ABCC9: variants seen among roughly 807,000 people sequenced by gnomAD.
ABCC9 encodes ATP-binding cassette sub-family C member 9.
Under a neutral mutation model 188.3 loss-of-function variants are expected in ABCC9, and 95 were observed. That is an observed-to-expected ratio of 0.50 (90% confidence interval 0.43 to 0.60). The LOEUF is 0.60. Ranked by LOEUF, ABCC9 falls within the 20% of genes least tolerant of loss-of-function variation. ABCC9 has a pLI of 0.00. For missense variants in ABCC9, 1,102 were observed against 1,876.3 expected (o/e 0.59, Z 7.62); for synonymous variants, 659 against 652.7 (o/e 1.01, Z -0.15).
Position 21,912,879 on chromosome 12 carries a change from G to C in ABCC9, c.1004C>G (p.Thr335Arg). ...VNETQNGTNN[T>R]TGISETLSSK... ...AAATCACCAGGAACTTACTCCAGTT[G>C]TGTTATTTGTCCCATTCTGGGTTTC... is the stretch of plus-strand genomic sequence containing the variant. The change falls in exon 8 of 40, where the codon ACA becomes AGA. Residue 335 changes from threonine to arginine, a missense_variant. Physicochemically the swap from Thr to Arg is moderately conservative, Grantham distance 71. Coordinates refer to ENST00000261200, the MANE Select transcript of ABCC9 (RefSeq NM_020297.4). The C allele has an allele frequency of 6.2e-7, 1 of 1,613,202 alleles. No homozygotes were observed. The highest frequency in any genetic ancestry group is 8.5e-7 in the Non-Finnish European group (1 of 1,179,396).
At position 21,829,053 on chromosome 12, in the gene ABCC9, T is replaced by C. The variant is rs1437273344; in HGVS notation, c.3574A>G (p.Thr1192Ala). ...TCCAGCATACGTTGTTTAAATCTGG[T>C]TTCATGCCTGCAGAAAACAAAAACA... ...LTTIRAFRHE[T>A]RFKQRMLELT... The change falls in exon 31 of 40, where the codon ACC (threonine) becomes GCC (alanine). Residue 1192 changes from threonine (T) to alanine (A), a missense_variant. Around this residue, in one of 12 missense-constraint regions of ABCC9, gnomAD observed 143 missense variants for 225.6 expected, o/e 0.63. Transcript: ENST00000261200. The C allele has an allele frequency of 8.1e-6, 13 of 1,613,680 alleles. No homozygotes were observed. Among genetic ancestry groups the C allele is most frequent in the Non-Finnish European group, 1.1e-5 (13 of 1,179,824 alleles).
chr12:21,871,545 C>G (rs1946076563), intron 18 of ABCC9, among the ~76,000 whole-genome samples: 2 of 152,082 alleles, frequency 1.3e-5, no homozygotes, highest in African/African-American at 4.8e-5. Context: ...TTAAAAGGCC[C>G]ATAGTCTTCT....
chr12:21,798,791 T>C lies in ABCC9; in HGVS notation c.*2253A>G, dbSNP rs1267897762. ...TAAATCATGCTGCTATAAAGACACA[T>C]GCACACGTATGTTTATTGCGGCATT... On this transcript the variant is annotated 3_prime_UTR_variant, in exon 40 of 40. Transcript: ENST00000261200. 2.0e-5 allele frequency: 3 copies of C among 147,512 alleles called. No individual in the cohort carries two copies. The highest frequency in any genetic ancestry group is 4.4e-4 in the South Asian group (2 of 4,518). 9.1% of individuals were successfully genotyped at this position (147,512 alleles called of 1,614,324 possible).
intron 18 of ABCC9, among the ~76,000 whole-genome samples, chr12:21,864,913 A>G (rs929814465): frequency 2.6e-5 from 4 of 152,078 alleles, no homozygotes; most frequent in African/African-American, 9.7e-5. Flanking sequence ...CAGCAGAAAT[A>G]CTTTTTGGGC....
At chr12:21,856,864 T>C (rs1267325440) in intron 22 of ABCC9, among the ~76,000 whole-genome samples, 1 of 152,202 alleles carries the variant, frequency 6.6e-6, no homozygotes, top group Non-Finnish European at 1.5e-5. Flanking sequence ...GAATCTTTGC[T>C]GATTACATAG....
chr12:21,937,582 T>C (rs759548747), intron 2 of ABCC9, among the ~76,000 whole-genome samples: 1 of 152,196 alleles, frequency 6.6e-6, no homozygotes, highest in South Asian at 2.1e-4. Flanking sequence ...CCCAAACAGA[T>C]GGGAGATGAG....
intron 30 of ABCC9, among the ~76,000 whole-genome samples, chr12:21,834,486 GCTGCTAC>G (rs1943957813): frequency 6.6e-6 from 1 of 152,070 alleles, no homozygotes; most frequent in African/African-American, 2.4e-5. Context: ...CCTGGGTAGA[GCTGCTAC>G]AGGTAAAGGT....
intron 32 of ABCC9, 97 bp from the exon 33 acceptor site, chr12:21,817,404 AGT>A: frequency 1.7e-6 from 2 of 1,163,906 alleles, no homozygotes; most frequent in Non-Finnish European, 2.5e-6. Flanking sequence ...TTGGACCATT[AGT>A]GTACATGTGT....
chr12:21,915,417 T>A (rs1216862597), intron 7 of ABCC9, among the ~76,000 whole-genome samples: 1 of 139,154 alleles, frequency 7.2e-6, no homozygotes, highest in Non-Finnish European at 1.5e-5. Context: ...TATAGACACG[T>A]GTATATATGT....
intron 39 of ABCC9, chr12:21,805,359 C>T: frequency 1.3e-6 from 2 of 1,565,284 alleles, no homozygotes; most frequent in Non-Finnish European, 1.8e-6. Flanking sequence ...GGAAAAATGT[C>T]CAAGTGACTC....
intron 35 of ABCC9, among the ~76,000 whole-genome samples, chr12:21,813,677 T>A (rs965657460): frequency 6.6e-5 from 10 of 152,176 alleles, no homozygotes; most frequent in African/African-American, 1.9e-4. Context: ...TTAAAGTATC[T>A]GTGCATTATT....
chr12:21,885,240 A>G (rs1946812091), intron 15 of ABCC9, among the ~76,000 whole-genome samples: 1 of 152,182 alleles, frequency 6.6e-6, no homozygotes, highest in Admixed American at 6.5e-5. Flanking sequence ...ATTTTCAAAC[A>G]CACAGCTTTT....
intron 15 of ABCC9, among the ~76,000 whole-genome samples, chr12:21,883,997 C>A (rs568987007): frequency 7.9e-5 from 12 of 152,152 alleles, no homozygotes; most frequent in Middle Eastern, 3.4e-3. Context: ...GCTCATAAAC[C>A]TCTAATCTGG....
At chr12:21,826,846 C>T (rs1339973001) in intron 31 of ABCC9, among the ~76,000 whole-genome samples, 7 of 152,012 alleles carry the variant, frequency 4.6e-5, no homozygotes, top group Admixed American at 3.3e-4. Flanking sequence ...CTTTGCCCAT[C>T]GGAAATGAAA....
chr12:21,832,331 A>G (rs1222443313), intron 30 of ABCC9, among the ~76,000 whole-genome samples: 1 of 152,170 alleles, frequency 6.6e-6, no homozygotes, highest in Non-Finnish European at 1.5e-5. Flanking sequence ...TTAACTTTCC[A>G]AAGAGTTCAA....
chr12:21,915,357 A>ATATATATAC (rs1948524591), intron 7 of ABCC9, among the ~76,000 whole-genome samples: 1 of 143,390 alleles, frequency 7.0e-6, no homozygotes, highest in South Asian at 2.2e-4. Context: ...ATGTATATAT[A>ATATATATAC]ATGTGTATAT....
intron 35 of ABCC9, among the ~76,000 whole-genome samples, chr12:21,814,174 A>G (rs1942448176): frequency 1.3e-5 from 2 of 152,176 alleles, no homozygotes; most frequent in African/African-American, 2.4e-5. Flanking sequence ...CTCCTCACAA[A>G]ACGTTCAATG....
intron 5 of ABCC9, among the ~76,000 whole-genome samples, chr12:21,922,751 CTTT>C (rs143763191): frequency 8.4e-6 from 1 of 119,120 alleles, no homozygotes; most frequent in Non-Finnish European, 1.8e-5. Context: ...TTTTTTTTTT[CTTT>C]TTTTTTTTTT....
intron 10 of ABCC9, among the ~76,000 whole-genome samples, chr12:21,908,421 G>T (rs1948143024): frequency 6.6e-6 from 1 of 151,974 alleles, no homozygotes; most frequent in South Asian, 2.1e-4. Context: ...TTTATTTGGG[G>T]AAGGCTAAGT....
Sources: gnomAD v4.1 joint callset for allele counts (sites outside exome capture counted in the v4.1 genomes callset) on GRCh38, gnomAD v4.1.1 for gene constraint, gnomAD v4.1.1 regional missense constraint, MANE v1.5 for transcripts, NCBI Gene and HGNC (gene_info 2026-07-23, HGNC 2026-07-21) for gene names.